The following NACC2 variants were observed in gnomAD, a reference collection of about 807,000 sequenced individuals.
NACC2 encodes NACC family member 2, also known as nucleus accumbens-associated protein 2.
NACC2 carries 8 observed loss-of-function variants against 25.1 expected under a neutral mutation model. The ratio of observed to expected loss-of-function variants is 0.32; its 90% CI spans 0.19 to 0.57. The LOEUF (loss-of-function observed/expected upper bound fraction) is 0.57, where lower values mean the gene tolerates loss of function less well. NACC2 is among the 20% of genes least tolerant of loss of function. The probability of loss-of-function intolerance (pLI) is 0.89; values close to 1 mark genes in which losing one functional copy is unlikely to be tolerated. For missense variants in NACC2, 644 were observed against 650.2 expected (o/e 0.99, Z 0.10); for synonymous variants, 435 against 294.7 (o/e 1.48, Z -4.88).
rs1036522334 is a variant in NACC2, at chr9:136,010,625, A to G, written c.*891T>C. 1.3e-5 allele frequency: 2 copies of G among 152,242 alleles called. No homozygotes were observed. Among genetic ancestry groups the G allele is most frequent in the Admixed American group, 6.5e-5 (1 of 15,294 alleles). The allele number at this position is 152,242 out of a possible 1,614,324, so 9.4% of individuals were successfully genotyped here. A position where few individuals can be genotyped will look rare whatever the true frequency, so the allele number is the denominator to read the frequency against. On this transcript the variant is annotated 3_prime_UTR_variant, in exon 6 of 6. Transcript: ENST00000277554. The surrounding 1 kb of genome is among the most constrained non-coding windows in gnomAD (Gnocchi z 4.9). ...TATTGAGTCTGAAAGTTTCCAAACCATATATGAAATAGATCTAAATTACAA... is the reference window on the plus strand; with the variant it reads ...TATTGAGTCTGAAAGTTTCCAAACCGTATATGAAATAGATCTAAATTACAA...
chr9:136,014,685 C>G (rs1019862011), intron 3 of NACC2, among the ~76,000 whole-genome samples: 1 of 152,226 alleles, frequency 6.6e-6, no homozygotes, highest in Non-Finnish European at 1.5e-5. Flanking sequence ...AGAGAGCCCT[C>G]AGGCAACGAT....
intron 1 of NACC2, among the ~76,000 whole-genome samples, chr9:136,088,771 C>T (rs562039715): frequency 6.6e-6 from 1 of 152,286 alleles, no homozygotes; most frequent in Admixed American, 6.5e-5. Context: ...CAGATGAGGG[C>T]TCAGGCCTGG....
chr9:136,048,627 G>C (rs1214237008), intron 2 of NACC2, among the ~76,000 whole-genome samples: 3 of 152,272 alleles, frequency 2.0e-5, no homozygotes, highest in African/African-American at 4.8e-5. Context: ...TGGCAAGGCA[G>C]TGGCTTCTCC....
Position 136,011,496 on chromosome 9 carries a change from G to C in NACC2, c.*20C>G, listed in dbSNP as rs374658951. On this transcript the variant is annotated 3_prime_UTR_variant, in exon 6 of 6. Coordinates refer to ENST00000277554, the MANE Select transcript of NACC2 (RefSeq NM_144653.5). The stretch of plus-strand genomic sequence containing the variant: ...AAGCAGCTCTAGTACTCGGTCCCTC[G>C]CGCAGCCACCCAGCTCCGCTTACAA... The C allele has an allele frequency of 4.4e-6, 6 of 1,356,682 alleles. No individual in the cohort carries two copies. Among genetic ancestry groups the C allele is most frequent in the Non-Finnish European group, 5.7e-6 (6 of 1,056,206 alleles). The allele number at this position is 1,356,682 out of a possible 1,614,324, so 84.0% of individuals were successfully genotyped here.
intron 5 of NACC2, among the ~76,000 whole-genome samples, chr9:136,012,324 G>A (rs569926438): frequency 3.9e-5 from 6 of 152,360 alleles, no homozygotes; most frequent in Admixed American, 6.5e-5. Context: ...CCGGGCTTCC[G>A]TAGCCCCAAC....
intron 1 of NACC2, among the ~76,000 whole-genome samples, chr9:136,094,789 G>A (rs571426730): frequency 6.6e-6 from 1 of 151,908 alleles, no homozygotes; most frequent in African/African-American, 2.4e-5. Flanking sequence ...TTCCCCACCC[G>A]GAGGGCTGGA....
intron 1 of NACC2, among the ~76,000 whole-genome samples, chr9:136,088,909 A>C (rs1039038073): frequency 6.6e-6 from 1 of 152,350 alleles, no homozygotes; most frequent in Non-Finnish European, 1.5e-5. Context: ...AGGAGACAGC[A>C]GGCAATTTGC....
chr9:136,076,629 G>A (rs1830265348), intron 1 of NACC2, among the ~76,000 whole-genome samples: 1 of 152,202 alleles, frequency 6.6e-6, no homozygotes, highest in Admixed American at 6.5e-5. Context: ...TGACAGCCAT[G>A]GGAATGTTCT....
chr9:136,008,042 C>T lies in NACC2; in HGVS notation c.*3474G>A, dbSNP rs967254743. Reference sequence around the variant, plus strand: ...CTCCTATGTTCTAGGAGCCCCGACCCGCAGTCACCAACGCCGGCACCCCCA... The same window carrying T: ...CTCCTATGTTCTAGGAGCCCCGACCTGCAGTCACCAACGCCGGCACCCCCA... On this transcript the variant is annotated 3_prime_UTR_variant, in exon 6 of 6. Coordinates refer to ENST00000277554, the MANE Select transcript of NACC2 (RefSeq NM_144653.5). The T allele has an allele frequency of 2.0e-5, 3 of 152,258 alleles. No homozygotes were observed. The highest frequency in any genetic ancestry group is 2.9e-5 in the Non-Finnish European group (2 of 68,082). The allele number at this position is 152,258 out of a possible 1,614,324, so 9.4% of individuals were successfully genotyped here. A position where few individuals can be genotyped will look rare whatever the true frequency, so the allele number is the denominator to read the frequency against.
At chr9:136,074,542 A>G (rs1026870647) in intron 1 of NACC2, among the ~76,000 whole-genome samples, 1 of 150,202 alleles carries the variant, frequency 6.7e-6, no homozygotes, top group African/African-American at 2.5e-5. Context: ...ATAATTTCTG[A>G]GGTTATTTAA....
At chr9:136,094,024 G>A (rs1463042446) in intron 1 of NACC2, among the ~76,000 whole-genome samples, 1 of 152,262 alleles carries the variant, frequency 6.6e-6, no homozygotes, top group Non-Finnish European at 1.5e-5. Flanking sequence ...TGGCAGGAGA[G>A]TGCGGCCGCG....
intron 1 of NACC2, among the ~76,000 whole-genome samples, chr9:136,059,548 C>T (rs1043339278): frequency 5.3e-5 from 8 of 152,210 alleles, no homozygotes; most frequent in African/African-American, 1.7e-4. Context: ...GGGGGGTTGC[C>T]GAAGTCGGCT....
intron 1 of NACC2, among the ~76,000 whole-genome samples, chr9:136,088,940 A>G (rs1021536167): frequency 2.0e-5 from 3 of 152,262 alleles, no homozygotes; most frequent in Non-Finnish European, 4.4e-5. Context: ...TTGCAAGTTA[A>G]TATCAGCCTC....
chr9:136,069,505 T>C (rs1841125413), intron 1 of NACC2, among the ~76,000 whole-genome samples: 1 of 151,260 alleles, frequency 6.6e-6, no homozygotes, highest in Non-Finnish European at 1.5e-5. Context: ...GCCAAGACTA[T>C]GCCACTGCAT....
At position 136,043,774 on chromosome 9, in the gene NACC2, T is replaced by C. The variant is rs574247062; in HGVS notation, c.886+5862A>G. 6.3e-4 allele frequency among the ~76,000 whole-genome samples: 96 copies of C among 152,324 alleles called. No homozygotes were observed. In the East Asian group the frequency reaches 0.017, roughly 27 times the overall value. On this transcript the variant is annotated intron_variant, in intron 2 of 5. Transcript: ENST00000277554. ...ATGTTGATTGCAACATTGCACTTGA[T>C]TGCACAGTGAACTCACTGATGGCAC...
chr9:136,061,010 T>C (rs1841003087), intron 1 of NACC2, among the ~76,000 whole-genome samples: 2 of 152,130 alleles, frequency 1.3e-5, no homozygotes, highest in African/African-American at 4.8e-5. Flanking sequence ...TTCTGCACCA[T>C]CACAGGGTGG....
chr9:136,050,836 A>C (rs887106364), intron 1 of NACC2, among the ~76,000 whole-genome samples: 7 of 151,916 alleles, frequency 4.6e-5, no homozygotes, highest in Non-Finnish European at 1.0e-4. Flanking sequence ...GAGTGCGCCC[A>C]CGCCACTCCC....
chr9:136,093,041 G>T (rs1429621584), intron 1 of NACC2, among the ~76,000 whole-genome samples: 1 of 152,186 alleles, frequency 6.6e-6, no homozygotes, highest in Admixed American at 6.5e-5. Context: ...GGCACTCGGT[G>T]CCCTGTGCGT....
chr9:136,089,939 T>C (rs1329514458), intron 1 of NACC2, among the ~76,000 whole-genome samples: 2 of 151,756 alleles, frequency 1.3e-5, no homozygotes, highest in Non-Finnish European at 2.9e-5. Context: ...ACATTTTAAT[T>C]GTAATGTATC....
Sources: gnomAD v4.1 joint callset for allele counts (sites outside exome capture counted in the v4.1 genomes callset) on GRCh38, gnomAD v4.1.1 for gene constraint, Gnocchi (gnomAD v3.1) non-coding constraint, MANE v1.5 for transcripts, NCBI Gene and HGNC (gene_info 2026-07-23, HGNC 2026-07-21) for gene names.